Variants in ZNG1A observed in about 807,000 individuals in gnomAD.
ZNG1A encodes zinc-regulated GTPase metalloprotein activator 1A.
chr9:148,708 A>G, the ZNG1A span: 1 of 146,998 alleles, frequency 6.8e-6, no homozygotes, highest in Non-Finnish European at 1.5e-5. Context: ...TGAACTCTCT[A>G]TTCCAGAAGT....
At chr9:162,840 G>C in the ZNG1A span, among the ~76,000 whole-genome samples, 2 of 150,478 alleles carry the variant, frequency 1.3e-5, no homozygotes. Context: ...GTTATTTCTA[G>C]TTTATTTTCA....
At chr9:141,430 C>A in the ZNG1A span, among the ~76,000 whole-genome samples, 1 of 149,926 alleles carries the variant, frequency 6.7e-6, no homozygotes, top group African/African-American at 2.5e-5. Context: ...AATTTCATAT[C>A]CAGCCAAACT....
At chr9:138,912 TAAAAA>T in the ZNG1A span, among the ~76,000 whole-genome samples, 2 of 147,962 alleles carry the variant, frequency 1.4e-5, no homozygotes, top group Non-Finnish European at 3.0e-5. Flanking sequence ...AAAAAATAAA[TAAAAA>T]GAAAAGAAAT....
the ZNG1A span, among the ~76,000 whole-genome samples, chr9:145,674 T>C: frequency 6.6e-6 from 1 of 151,316 alleles, no homozygotes; most frequent in African/African-American, 2.4e-5. Context: ...ATTGTGCACC[T>C]GTACCCTAAA....
the ZNG1A span, among the ~76,000 whole-genome samples, chr9:138,636 C>T: frequency 4.9e-5 from 7 of 143,706 alleles, no homozygotes; most frequent in Non-Finnish European, 7.5e-5. Flanking sequence ...TGGTGGGCTA[C>T]ACATGTAATC....
the ZNG1A span, among the ~76,000 whole-genome samples, chr9:155,874 G>C: frequency 6.7e-6 from 1 of 149,760 alleles, no homozygotes; most frequent in Non-Finnish European, 1.5e-5. Context: ...GGAGGCCGAG[G>C]CGGGTGGATC....
the ZNG1A span, among the ~76,000 whole-genome samples, chr9:169,265 C>A: frequency 0.3 from 43,462 of 145,246 alleles, 8,210 homozygotes; most frequent in African/African-American, 0.53. Flanking sequence ...AAATAACTGC[C>A]GATGTGGTGG....
chr9:131,985 C>T, the ZNG1A span, among the ~76,000 whole-genome samples: 6 of 137,204 alleles, frequency 4.4e-5, no homozygotes, highest in South Asian at 2.5e-4. Context: ...TTTAAACATC[C>T]GTATTGCTCT....
At chr9:166,578 A>C in the ZNG1A span, 5 of 152,656 alleles carry the variant, frequency 3.3e-5, no homozygotes, top group Non-Finnish European at 7.3e-5. Context: ...TAACCCAATA[A>C]AAACTAAAGA....
chr9:139,470 T>C, the ZNG1A span, among the ~76,000 whole-genome samples: 1 of 150,948 alleles, frequency 6.6e-6, no homozygotes, highest in Admixed American at 6.6e-5. Context: ...TTAGCAATAC[T>C]GTATTGTACA....
the ZNG1A span, among the ~76,000 whole-genome samples, chr9:131,864 T>A: frequency 6.8e-6 from 1 of 148,078 alleles, no homozygotes; most frequent in Non-Finnish European, 1.5e-5. Context: ...TGAGTTCTCT[T>A]TGTCTAGCAA....
chr9:131,889 C>T, the ZNG1A span, among the ~76,000 whole-genome samples: 1 of 144,640 alleles, frequency 6.9e-6, no homozygotes, highest in Non-Finnish European at 1.5e-5. Flanking sequence ...AAACCTAATA[C>T]CTTAGACCAG....
the ZNG1A span, among the ~76,000 whole-genome samples, chr9:130,332 G>T: frequency 1.5e-5 from 2 of 137,286 alleles, no homozygotes; most frequent in African/African-American, 5.7e-5. Flanking sequence ...AATAAATTTA[G>T]TCTTCAAAAA....
chr9:175,889 C>T, the ZNG1A span: 2 of 1,407,656 alleles, frequency 1.4e-6, no homozygotes, highest in Admixed American at 2.4e-5. Context: ...TGCTATTTTT[C>T]ATATATTATT....
At chr9:142,791 C>T in the ZNG1A span, among the ~76,000 whole-genome samples, 971 of 141,140 alleles carry the variant, frequency 6.9e-3, 2 homozygotes, top group Non-Finnish European at 0.011. Context: ...ATTGATAGAC[C>T]GCTAGCAAGA....
chr9:146,409 T>C, the ZNG1A span: 9 of 349,668 alleles, frequency 2.6e-5, no homozygotes, highest in South Asian at 1.4e-4. Flanking sequence ...AATACATTTT[T>C]ATAGCTAAAA....
the ZNG1A span, among the ~76,000 whole-genome samples, chr9:177,222 T>C: frequency 0.055 from 8,354 of 152,240 alleles, 310 homozygotes; most frequent in African/African-American, 0.098. Flanking sequence ...CAGGTCCTTG[T>C]AATTCATGTT....
chr9:177,642 C>G, the ZNG1A span: 1 of 1,478,684 alleles, frequency 6.8e-7, no homozygotes, highest in Non-Finnish European at 9.2e-7. Flanking sequence ...GAAACTATCC[C>G]TAGATTCAGC....
At chr9:146,186 G>C in the ZNG1A span, 1 of 1,581,784 alleles carries the variant, frequency 6.3e-7, no homozygotes, top group Non-Finnish European at 8.5e-7. Flanking sequence ...AACGTGAGCA[G>C]TTGGAAATTC....
Sources: gnomAD v4.1 joint callset for allele counts (sites outside exome capture counted in the v4.1 genomes callset) on GRCh38, gnomAD v4.1.1 for gene constraint, MANE v1.5 for transcripts, NCBI Gene and HGNC (gene_info 2026-07-23, HGNC 2026-07-21) for gene names.